BRD10: variants seen among roughly 807,000 people sequenced by gnomAD.
The protein encoded by BRD10 is uncharacterized bromodomain-containing protein 10.
the BRD10 span, among the ~76,000 whole-genome samples, chr9:5,956,291 T>C: frequency 6.6e-6 from 1 of 152,066 alleles, no homozygotes; most frequent in Non-Finnish European, 1.5e-5. Flanking sequence ...GAAGCTAAGG[T>C]GGTTACTTGG....
At chr9:5,983,252 G>C in the BRD10 span, among the ~76,000 whole-genome samples, 1 of 152,180 alleles carries the variant, frequency 6.6e-6, no homozygotes, top group African/African-American at 2.4e-5. Context: ...TTGTAGGGCT[G>C]AACTGGAGTG....
chr9:5,909,080 C>A, the BRD10 span: 1 of 270,700 alleles, frequency 3.7e-6, no homozygotes, highest in South Asian at 4.3e-5. Context: ...GGTTTTCGAA[C>A]CTTGACCGAC....
At chr9:5,920,564 G>A in the BRD10 span, 3 of 1,613,970 alleles carry the variant, frequency 1.9e-6, no homozygotes, top group Non-Finnish European at 2.5e-6. Context: ...TGAAAGGGAC[G>A]ACAATTCAGT....
the BRD10 span, among the ~76,000 whole-genome samples, chr9:5,982,246 T>C: frequency 0.6 from 91,095 of 151,864 alleles, 28,622 homozygotes; most frequent in Non-Finnish European, 0.72. Context: ...AGCTACAAAC[T>C]GAACACAATA....
chr9:5,904,974 T>C, the BRD10 span, among the ~76,000 whole-genome samples: 1 of 151,978 alleles, frequency 6.6e-6, no homozygotes, highest in Non-Finnish European at 1.5e-5. Context: ...GTCATTTCAC[T>C]GTGTTAGCCA....
At chr9:5,989,766 C>T in the BRD10 span, among the ~76,000 whole-genome samples, 3 of 152,016 alleles carry the variant, frequency 2.0e-5, no homozygotes, top group South Asian at 4.2e-4. Context: ...TGGGCTCAAG[C>T]GATCAGCCCA....
the BRD10 span, among the ~76,000 whole-genome samples, chr9:5,943,013 G>C: frequency 6.6e-6 from 1 of 152,060 alleles, no homozygotes; most frequent in African/African-American, 2.4e-5. Context: ...TAGAAGCTGG[G>C]ACTACAGGCA....
the BRD10 span, among the ~76,000 whole-genome samples, chr9:5,971,052 C>CAAAAAAAAAAA: frequency 5.1e-4 from 22 of 43,202 alleles, 9 homozygotes; most frequent in Non-Finnish European, 9.4e-4. Context: ...AGCAACGTCT[C>CAAAAAAAAAAA]AAAAAAAAAA....
At chr9:5,988,555 G>T in the BRD10 span, 1 of 1,603,860 alleles carries the variant, frequency 6.2e-7, no homozygotes, top group Non-Finnish European at 8.5e-7. Context: ...CCTTGGAGAA[G>T]AATAAGTCAA....
At chr9:5,991,334 T>C in the BRD10 span, among the ~76,000 whole-genome samples, 1 of 152,132 alleles carries the variant, frequency 6.6e-6, no homozygotes, top group African/African-American at 2.4e-5. Flanking sequence ...CAAACTCTCA[T>C]CTAGACTACT....
chr9:5,961,957 G>T, the BRD10 span, among the ~76,000 whole-genome samples: 5 of 151,058 alleles, frequency 3.3e-5, no homozygotes, highest in East Asian at 1.9e-4. Flanking sequence ...TTTTTGAAGG[G>T]TTTTTTGTGT....
chr9:5,955,511 GAC>G, the BRD10 span, among the ~76,000 whole-genome samples: 1 of 152,028 alleles, frequency 6.6e-6, no homozygotes, highest in African/African-American at 2.4e-5. Flanking sequence ...CAACTCAATT[GAC>G]ACAATTCCAG....
chr9:5,921,571 C>A, the BRD10 span: 2 of 1,613,876 alleles, frequency 1.2e-6, no homozygotes, highest in South Asian at 2.2e-5. Context: ...GAGCTGATAC[C>A]AGCATAAGTT....
At chr9:5,915,330 A>G in the BRD10 span, among the ~76,000 whole-genome samples, 4 of 152,132 alleles carry the variant, frequency 2.6e-5, no homozygotes, top group South Asian at 2.1e-4. Context: ...CTATTTAAGT[A>G]TTTACTATGT....
chr9:5,951,648 G>A, the BRD10 span, among the ~76,000 whole-genome samples: 931 of 152,270 alleles, frequency 6.1e-3, 12 homozygotes, highest in African/African-American at 0.021. Flanking sequence ...GGCAGGGAAT[G>A]AATTCACTTT....
the BRD10 span, among the ~76,000 whole-genome samples, chr9:5,983,875 TA>T: frequency 6.6e-6 from 1 of 151,458 alleles, no homozygotes; most frequent in Non-Finnish European, 1.5e-5. Flanking sequence ...AGGCTTCTTT[TA>T]AAAAACTATG....
At chr9:5,931,281 G>C in the BRD10 span, among the ~76,000 whole-genome samples, 1 of 152,166 alleles carries the variant, frequency 6.6e-6, no homozygotes, top group African/African-American at 2.4e-5. Flanking sequence ...AGGTAGATGA[G>C]GCACAGGATG....
the BRD10 span, among the ~76,000 whole-genome samples, chr9:5,958,558 G>T: frequency 6.6e-6 from 1 of 152,180 alleles, no homozygotes; most frequent in South Asian, 2.1e-4. Flanking sequence ...AGGCGGAGGT[G>T]AGAGGATGGC....
chr9:5,908,726 G>A, the BRD10 span: 7 of 1,603,240 alleles, frequency 4.4e-6, no homozygotes, highest in Non-Finnish European at 6.0e-6. Context: ...CGAGACACCT[G>A]AGACATGCTG....
Sources: allele counts gnomAD v4.1 joint callset (sites outside exome capture counted in the v4.1 genomes callset), GRCh38; gene constraint gnomAD v4.1.1; transcripts MANE v1.5; gene names NCBI Gene and HGNC (gene_info 2026-07-23, HGNC 2026-07-21).